The following CNTN5 variants were observed in gnomAD, a reference collection of about 807,000 sequenced individuals.
CNTN5 encodes contactin-5.
A neutral mutation model predicts 129.1 loss-of-function variants in CNTN5; 77 were observed. The ratio of observed to expected loss-of-function variants is 0.60; its 90% CI spans 0.50 to 0.72. The LOEUF is 0.72. CNTN5 is among the 30% of genes least tolerant of loss of function. The pLI, the probability that CNTN5 is intolerant of heterozygous loss-of-function variation, is 0.00. For synonymous variants in CNTN5, 509 were observed against 465.6 expected, an observed-to-expected ratio of 1.09 and a Z score of -1.20; for missense variants, 1,478 against 1,328.8, an observed-to-expected ratio of 1.11 and a Z score of -1.75.
chr11:100,022,525 C>T lies in CNTN5; in HGVS notation c.980+20389C>T, dbSNP rs188936461. Among the ~76,000 whole-genome samples, 15 of 152,234 alleles carry T rather than the reference C, an allele frequency of 9.9e-5. No homozygotes were observed. In the East Asian group the frequency reaches 2.9e-3, roughly 29 times the overall value. On this transcript the variant is annotated intron_variant, in intron 9 of 24. Transcript: ENST00000524871. ...TTATAAAGCCCATAGTACAATGATA[C>T]TATTTGTTTGACTTTAAACAGCTGG...
At chr11:99,957,081 T>C (rs997873541) in intron 8 of CNTN5, 72 bp downstream of exon 8, 36 of 1,315,762 alleles carry the variant, frequency 2.7e-5, no homozygotes, top group Non-Finnish European at 3.6e-5. Flanking sequence ...AGTGTGTGTT[T>C]TTTTTTTAAG....
intron 3 of CNTN5, among the ~76,000 whole-genome samples, chr11:99,642,811 A>G (rs4754639): frequency 0.6 from 91,174 of 151,768 alleles, 28,207 homozygotes; most frequent in Admixed American, 0.69. Context: ...TGTGAGATCA[A>G]CTTTCTAGAT....
At chr11:100,248,620 G>C (rs112224216) in intron 16 of CNTN5, among the ~76,000 whole-genome samples, 1,573 of 152,154 alleles carry the variant, frequency 0.01, 28 homozygotes, top group African/African-American at 0.036. Context: ...AACAATAGAC[G>C]TATAAAGCAA....
intron 1 of CNTN5, among the ~76,000 whole-genome samples, chr11:99,104,561 T>G (rs1441442814): frequency 6.6e-6 from 1 of 151,952 alleles, no homozygotes; most frequent in Non-Finnish European, 1.5e-5. Flanking sequence ...AAAAAATAAG[T>G]AGTTAAGTGA....
chr11:99,130,690 A>G (rs1858889312), intron 1 of CNTN5, among the ~76,000 whole-genome samples: 1 of 86,342 alleles, frequency 1.2e-5, no homozygotes, highest in Admixed American at 1.1e-4. Flanking sequence ...ACTTACTGTG[A>G]AATTGATCAC....
intron 3 of CNTN5, among the ~76,000 whole-genome samples, chr11:99,786,382 T>C (rs1945524566): frequency 6.6e-6 from 1 of 151,706 alleles, no homozygotes; most frequent in South Asian, 2.1e-4. Flanking sequence ...AAACATTCCA[T>C]GCCCATGGAT....
intron 2 of CNTN5, among the ~76,000 whole-genome samples, chr11:99,524,328 G>A (rs899805954): frequency 4.6e-5 from 7 of 151,866 alleles, no homozygotes; most frequent in African/African-American, 1.7e-4. Context: ...TAATTTAAAG[G>A]TATAATAATA....
chr11:100,201,217 A>G (rs1027175217), intron 15 of CNTN5, among the ~76,000 whole-genome samples: 4 of 151,980 alleles, frequency 2.6e-5, no homozygotes, highest in African/African-American at 7.2e-5. Flanking sequence ...TCTTTCTGAT[A>G]TACATAACAA....
At chr11:99,842,857 T>A (rs1201642565) in intron 4 of CNTN5, among the ~76,000 whole-genome samples, 1 of 152,220 alleles carries the variant, frequency 6.6e-6, no homozygotes, top group East Asian at 1.9e-4. Flanking sequence ...GAATAAAAGT[T>A]TTAATTGACA....
chr11:100,190,008 G>T (rs1254143769), intron 13 of CNTN5, among the ~76,000 whole-genome samples: 1 of 151,934 alleles, frequency 6.6e-6, no homozygotes, highest in Non-Finnish European at 1.5e-5. Context: ...AATATCAATT[G>T]TTACGAAGTT....
intron 2 of CNTN5, among the ~76,000 whole-genome samples, chr11:99,521,429 T>A (rs939677085): frequency 1.3e-5 from 2 of 152,200 alleles, no homozygotes; most frequent in African/African-American, 4.8e-5. Context: ...AGGAAATACT[T>A]TGTAATCTCT....
intron 3 of CNTN5, among the ~76,000 whole-genome samples, chr11:99,678,287 A>G (rs78939548): frequency 0.049 from 7,462 of 152,212 alleles, 610 homozygotes; most frequent in African/African-American, 0.17. Flanking sequence ...AAGTTAAAAC[A>G]TAAGCTAAAA....
At chr11:100,018,418 T>C (rs1180145973) in intron 9 of CNTN5, among the ~76,000 whole-genome samples, 1 of 152,004 alleles carries the variant, frequency 6.6e-6, no homozygotes, top group African/African-American at 2.4e-5. Flanking sequence ...ATATCTACTC[T>C]TTTGACCGAG....
chr11:99,908,949 A>T (rs147219748), intron 6 of CNTN5, among the ~76,000 whole-genome samples: 27 of 152,198 alleles, frequency 1.8e-4, no homozygotes, highest in Non-Finnish European at 3.1e-4. Context: ...ATAGCAAGAG[A>T]TTACTCATCT....
At chr11:99,225,662 T>A (rs989301597) in intron 1 of CNTN5, among the ~76,000 whole-genome samples, 1 of 152,166 alleles carries the variant, frequency 6.6e-6, no homozygotes, top group Non-Finnish European at 1.5e-5. Context: ...ACAGTGTTGA[T>A]GTGGTGTTCT....
chr11:100,180,958 T>A (rs34562026), intron 13 of CNTN5, among the ~76,000 whole-genome samples: 12,076 of 152,054 alleles, frequency 0.079, 499 homozygotes, highest in East Asian at 0.098. Context: ...CTGGTATGAA[T>A]GTTAAATGAT....
chr11:99,063,710 A>C (rs1262962965), intron 1 of CNTN5, among the ~76,000 whole-genome samples: 1 of 152,110 alleles, frequency 6.6e-6, no homozygotes, highest in Non-Finnish European at 1.5e-5. Context: ...TTTAGACTAC[A>C]GTATACATTT....
intron 7 of CNTN5, among the ~76,000 whole-genome samples, chr11:99,926,320 G>A (rs968265057): frequency 6.6e-6 from 1 of 152,136 alleles, no homozygotes. Context: ...GAAGGGGAAG[G>A]GATCAAGAAA....
At chr11:100,130,716 T>C (rs1342987233) in intron 13 of CNTN5, among the ~76,000 whole-genome samples, 1 of 151,830 alleles carries the variant, frequency 6.6e-6, no homozygotes, top group Non-Finnish European at 1.5e-5. Flanking sequence ...GATTTGGAAG[T>C]GGAAGTGTAA....
Sources: gnomAD v4.1 joint callset for allele counts (sites outside exome capture counted in the v4.1 genomes callset) on GRCh38, gnomAD v4.1.1 for gene constraint, MANE v1.5 for transcripts, NCBI Gene and HGNC (gene_info 2026-07-23, HGNC 2026-07-21) for gene names.